The following INTS6 variants were observed in gnomAD, a reference collection of about 807,000 sequenced individuals.
INTS6 encodes DEAD box protein.
In INTS6, 16 loss-of-function variants were observed where a neutral mutation model predicts 104.9. The ratio of observed to expected loss-of-function variants is 0.15; its 90% confidence interval spans 0.10 to 0.23. The LOEUF (loss-of-function observed/expected upper bound fraction) is 0.23, where lower values mean the gene tolerates loss of function less well. Ranked by LOEUF, INTS6 falls within the 10% of genes least tolerant of loss-of-function variation. INTS6 has a pLI of 1.00. For synonymous variants in INTS6, 324 were observed against 358.7 expected (o/e 0.90, Z 1.09); for missense variants, 584 against 1,062.8 (o/e 0.55, Z 6.26).
At chr13:51,431,311 G>A (rs1392791396) in intron 3 of INTS6, among the ~76,000 whole-genome samples, 3 of 152,198 alleles carry the variant, frequency 2.0e-5, no homozygotes, top group Non-Finnish European at 4.4e-5. Flanking sequence ...AGAATTGAAT[G>A]AAGCTTTCTT....
At chr13:51,390,925 A>G (rs188070152) in intron 5 of INTS6, among the ~76,000 whole-genome samples, 1 of 152,214 alleles carries the variant, frequency 6.6e-6, no homozygotes, top group Admixed American at 6.5e-5. Flanking sequence ...AAATGAGAAC[A>G]CTAAGGCACA....
intron 5 of INTS6, among the ~76,000 whole-genome samples, chr13:51,392,044 C>T (rs1462498915): frequency 6.6e-6 from 1 of 152,168 alleles, no homozygotes. Context: ...TTGTCCTCAT[C>T]CTTGGTTCTC....
chr13:51,349,828 T>A (rs965915489), downstream of INTS6, among the ~76,000 whole-genome samples: 39 of 152,224 alleles, frequency 2.6e-4, no homozygotes, highest in Non-Finnish European at 3.5e-4. Context: ...TAATTTTTTT[T>A]AAATCTCCTT....
At chr13:51,371,269 A>C (rs1049024435) in intron 15 of INTS6, among the ~76,000 whole-genome samples, 1 of 152,176 alleles carries the variant, frequency 6.6e-6, no homozygotes, top group Non-Finnish European at 1.5e-5. Flanking sequence ...TTCTCTCTAA[A>C]GAACTTACAC....
downstream of INTS6, among the ~76,000 whole-genome samples, chr13:51,350,681 C>T (rs1955395749): frequency 6.6e-6 from 1 of 152,022 alleles, no homozygotes; most frequent in Non-Finnish European, 1.5e-5. Context: ...TTTTAAAGTA[C>T]ACAATTCAGA....
intron 3 of INTS6, chr13:51,439,030 G>A (rs1952745031): frequency 6.6e-6 from 1 of 152,166 alleles, no homozygotes; most frequent in Admixed American, 6.5e-5. Flanking sequence ...GACTGTTGTT[G>A]TTTCCTAGTA....
chr13:51,344,313 C>T, the INTS6 span: 57 of 1,613,886 alleles, frequency 3.5e-5, no homozygotes, highest in East Asian at 1.2e-3. Context: ...CCAGCCAAGG[C>T]ACCGAGATGG....
At chr13:51,406,972 TCTTC>T (rs1956581005) in intron 4 of INTS6, among the ~76,000 whole-genome samples, 2 of 151,954 alleles carry the variant, frequency 1.3e-5, no homozygotes, top group Admixed American at 1.3e-4. Context: ...AGACAATTGT[TCTTC>T]CTTCCAATGT....
intron 3 of INTS6, chr13:51,443,734 TCCA>T (rs1488030511): frequency 6.6e-6 from 1 of 152,014 alleles, no homozygotes; most frequent in Non-Finnish European, 1.5e-5. Context: ...ACAAGAAAAG[TCCA>T]CCAAGACTAA....
downstream of INTS6, among the ~76,000 whole-genome samples, chr13:51,350,513 T>C (rs997874733): frequency 2.0e-5 from 3 of 152,184 alleles, no homozygotes; most frequent in African/African-American, 7.2e-5. Flanking sequence ...AGATATAATA[T>C]ATATCTTCTT....
At chr13:51,406,888 A>AT (rs1956577840) in intron 4 of INTS6, among the ~76,000 whole-genome samples, 1 of 148,262 alleles carries the variant, frequency 6.7e-6, no homozygotes, top group Non-Finnish European at 1.5e-5. Flanking sequence ...ACATTATGAG[A>AT]TTTTTTTGTG....
chr13:51,384,183 A>AAT (rs1956099217), intron 7 of INTS6: 1 of 159,510 alleles, frequency 6.3e-6, no homozygotes. Context: ...TACATAACAA[A>AAT]ATATATACCA....
At position 51,363,291 on chromosome 13, in the gene INTS6, A is replaced by T. The variant is rs1292647516; in HGVS notation, c.*2461T>A. 3 of 151,898 alleles carry T rather than the reference A, an allele frequency of 2.0e-5. No individual in the cohort carries two copies. Among genetic ancestry groups the T allele is most frequent in the Non-Finnish European group, 2.9e-5 (2 of 67,874 alleles). 9.4% of individuals were successfully genotyped at this position (151,898 alleles called of 1,614,324 possible). On this transcript the variant is annotated 3_prime_UTR_variant, in exon 18 of 18. Transcript: ENST00000311234. Reference sequence around the variant, plus strand: ...AATGAAAATATAAGGATAATCCAAAACCAGTTCCACAATCCACTGGAATTC... The same window carrying T: ...AATGAAAATATAAGGATAATCCAAATCCAGTTCCACAATCCACTGGAATTC...
intron 4 of INTS6, among the ~76,000 whole-genome samples, 164 bp from the exon 5 acceptor site, chr13:51,395,647 T>G (rs1016633401): frequency 3.9e-5 from 6 of 152,192 alleles, no homozygotes; most frequent in Non-Finnish European, 7.3e-5. Context: ...AAACAGCACA[T>G]GATACTGTTT....
the INTS6 span, among the ~76,000 whole-genome samples, chr13:51,347,829 G>C: frequency 7.6e-4 from 116 of 152,164 alleles, no homozygotes; most frequent in African/African-American, 2.4e-3. Context: ...TCAGTCATCA[G>C]ATCGAGAAAA....
At chr13:51,353,621 G>A (rs181338543), downstream of INTS6, among the ~76,000 whole-genome samples, 99 of 152,232 alleles carry the variant, frequency 6.5e-4, no homozygotes, top group Non-Finnish European at 5.3e-4. Flanking sequence ...AGAAAATTTC[G>A]TAAGAGATAG....
chr13:51,423,067 A>G, intron 4 of INTS6: 6 of 1,283,304 alleles, frequency 4.7e-6, no homozygotes, highest in Non-Finnish European at 6.1e-6. Context: ...GCCTTGCTTA[A>G]TTCCATCTGT....
intron 13 of INTS6, 100 bp downstream of exon 13, chr13:51,375,948 G>T: frequency 1.1e-6 from 1 of 929,210 alleles, no homozygotes; most frequent in Non-Finnish European, 1.6e-6. Context: ...GAATGTTATA[G>T]TACTGTAATA....
At chr13:51,393,621 A>T (rs142253783) in intron 5 of INTS6, among the ~76,000 whole-genome samples, 1 of 152,312 alleles carries the variant, frequency 6.6e-6, no homozygotes, top group African/African-American at 2.4e-5. Flanking sequence ...GGGCAAATAA[A>T]CTATCACATC....
Sources: allele counts gnomAD v4.1 joint callset (sites outside exome capture counted in the v4.1 genomes callset), GRCh38; gene constraint gnomAD v4.1.1; transcripts MANE v1.5; gene names NCBI Gene and HGNC (gene_info 2026-07-23, HGNC 2026-07-21).